AGK: variants seen among roughly 807,000 people sequenced by gnomAD.
AGK encodes the protein acylglycerol kinase, mitochondrial.
In AGK, 52 loss-of-function variants were observed where a neutral mutation model predicts 66.4. That is an observed-to-expected ratio of 0.78 (90% CI 0.63 to 0.99). AGK has a LOEUF of 0.99. Among genes scored for constraint, AGK ranks in the 50% least tolerant of loss-of-function variants. The pLI is 0.00. For missense variants in AGK, 451 were observed against 506.6 expected, an observed-to-expected ratio of 0.89 and a Z score of 1.05; for synonymous variants, 182 against 181.1, an observed-to-expected ratio of 1.00 and a Z score of -0.04.
At chr7:141,644,029 G>A (rs1229749735) in intron 13 of AGK, among the ~76,000 whole-genome samples, 1 of 151,810 alleles carries the variant, frequency 6.6e-6, no homozygotes, top group African/African-American at 2.4e-5. Context: ...AATATATAAT[G>A]TAGGCAGTCC....
chr7:141,565,343 C>T (rs1795445164), intron 2 of AGK, among the ~76,000 whole-genome samples: 1 of 152,134 alleles, frequency 6.6e-6, no homozygotes, highest in African/African-American at 2.4e-5. Context: ...TGGTACCACT[C>T]ACCATCCATC....
intron 5 of AGK, among the ~76,000 whole-genome samples, chr7:141,610,935 A>G (rs1375727363): frequency 1.3e-5 from 2 of 152,212 alleles, no homozygotes; most frequent in African/African-American, 2.4e-5. Context: ...TGTGTAAGAG[A>G]CAAATTATTG....
At chr7:141,559,514 G>C (rs1053282577) in intron 2 of AGK, among the ~76,000 whole-genome samples, 7 of 151,964 alleles carry the variant, frequency 4.6e-5, no homozygotes, top group Non-Finnish European at 1.0e-4. Context: ...GATTACTATT[G>C]CTTTGTAATA....
rs142530632 is a variant in AGK at position 141,579,741 on chromosome 7, G to A, written c.102-13405G>A. ...GAGAGGTTCTAAGAGACGGGCTAGC[G>A]GCTTATAACCTACATGGAAGAGGCT... is the stretch of plus-strand genomic sequence containing the variant. On this transcript the variant is annotated intron_variant, in intron 2 of 15. Transcript: ENST00000649286. 2.7e-3 allele frequency among the ~76,000 whole-genome samples: 410 copies of A among 152,006 alleles called. 1 individual carries two copies. Among genetic ancestry groups the A allele is most frequent in the Middle Eastern group, 6.8e-3 (2 of 294 alleles).
In AGK at chr7:141,641,383, G is replaced by A. The variant is rs542170824; in HGVS notation, c.862G>A (p.Ala288Thr). Residue 288 changes from alanine (A) to threonine (T), a missense_variant, in exon 12 of 16, where the codon GCA (alanine) becomes ACA (threonine). Transcript: ENST00000649286. ...ATTACGAAGGCTTGCGTCCTACTGG[G>A]CACAACCACAGGATGGTGAGCAATG... Reference protein sequence around the residue: ...RILRRLASYWAQPQDALSQEV... With the variant: ...RILRRLASYWTQPQDALSQEV... 2 of 1,612,504 alleles carry A rather than the reference G, an allele frequency of 1.2e-6. No individual in the cohort carries two copies. Among genetic ancestry groups the A allele is most frequent in the African/African-American group, 2.7e-5 (2 of 74,900 alleles).
At chr7:141,611,379 T>A in intron 6 of AGK, 92 bp downstream of exon 6, 1 of 874,906 alleles carries the variant, frequency 1.1e-6, no homozygotes, top group Non-Finnish European at 1.7e-6. Context: ...TTAAAGAAAT[T>A]TTTTATTTTA....
chr7:141,653,006 C>A lies in AGK; in HGVS notation c.*82C>A. 6.4e-7 allele frequency: 1 copy of A among 1,552,696 alleles called. No homozygotes were observed. The highest frequency in any genetic ancestry group is 1.2e-5 in the South Asian group (1 of 85,916). ...GGAACAGGTGCCTCAGCCATCCCAA[C>A]AGTGTCGTCAGAGGGTCCCCAGGGC... is the stretch of plus-strand genomic sequence containing the variant. On this transcript the variant is annotated 3_prime_UTR_variant, in exon 16 of 16. Coordinates refer to ENST00000649286, the MANE Select transcript of AGK (RefSeq NM_018238.4).
At chr7:141,642,733 A>C (rs1464567818) in intron 13 of AGK, among the ~76,000 whole-genome samples, 1 of 152,234 alleles carries the variant, frequency 6.6e-6, no homozygotes, top group Non-Finnish European at 1.5e-5. Flanking sequence ...AAAATACGTA[A>C]AGTTCAAGTT....
rs767106866 is a variant in AGK at position 141,601,253 on chromosome 7, A to G, written c.270A>G (p.Leu90=). The G allele has an allele frequency of 1.2e-6, 2 of 1,613,086 alleles. No homozygotes were observed. The highest frequency in any genetic ancestry group is 1.3e-5 in the African/African-American group (1 of 74,994). ...AAAATGCTGCCCCGATTTTACATTT[A>G]TCTGGCATGGATGTGACTATTGTTA... ...FEKNAAPILH[L]SGMDVTIVKT... is the part of the protein sequence containing the mutation. The change falls in exon 5 of 16, where the codon TTA becomes TTG. Residue 90 remains leucine (L), a synonymous_variant. Transcript: ENST00000649286.
Position 141,652,898 on chromosome 7 carries a change from C to A in AGK, c.1243C>A (p.Gln415Lys), listed in dbSNP as rs770737024. The change falls in exon 16 of 16, where the codon CAG (glutamine) becomes AAG (lysine). Residue 415 changes from glutamine (Q) to lysine (K), a missense_variant. By Grantham distance (53) the Gln-to-Lys change is moderately conservative. Coordinates refer to ENST00000649286, the MANE Select transcript of AGK (RefSeq NM_018238.4). The stretch of plus-strand genomic sequence containing the variant: ...CTTCTGTGATCCTAGGAAGAGAGAA[C>A]AGATGCTCACAAGCCCCACCCAGTG... ...QFFCDPRKRE[Q>K]MLTSPTQ The A allele has an allele frequency of 6.8e-6, 11 of 1,614,006 alleles. No individual in the cohort carries two copies. The South Asian group carries it at 1.2e-4, about 18-fold the overall frequency.
intron 10 of AGK, among the ~76,000 whole-genome samples, chr7:141,636,052 T>A (rs1797162177): frequency 6.6e-6 from 1 of 152,226 alleles, no homozygotes; most frequent in African/African-American, 2.4e-5. Context: ...TTTATGCCGT[T>A]TTCTAATTCC....
At chr7:141,621,427 A>G (rs1418256714) in intron 8 of AGK, among the ~76,000 whole-genome samples, 2 of 152,212 alleles carry the variant, frequency 1.3e-5, no homozygotes, top group African/African-American at 2.4e-5. Flanking sequence ...ATTAAGTGTC[A>G]TATTTTCCAA....
rs1299687206 is a variant in AGK at position 141,598,654 on chromosome 7, C to T, written c.221+2013C>T. On this transcript the variant is annotated intron_variant, in intron 4 of 15. Transcript: ENST00000649286. The surrounding 1 kb of genome is among the most constrained non-coding windows in gnomAD (Gnocchi z 4.2). Reference sequence around the variant, plus strand: ...AAGCACACAATGTAAGAAATATAAACTGCTGAAATTGTTACTCTTGACTAT... The same window carrying T: ...AAGCACACAATGTAAGAAATATAAATTGCTGAAATTGTTACTCTTGACTAT... Among the ~76,000 whole-genome samples the T allele has an allele frequency of 6.6e-6, 1 of 152,158 alleles. No individual in the cohort carries two copies. The highest frequency in any genetic ancestry group is 1.5e-5 in the Non-Finnish European group (1 of 68,024).
At position 141,566,922 on chromosome 7, in the gene AGK, G is replaced by A. The variant is rs1163988928; in HGVS notation, c.101+11355G>A. ...TTCCATTGACACCGTCCTCAGAAGTGTACCTCACACTTGCAGTCCTACCTC... is the reference window on the plus strand; with the variant it reads ...TTCCATTGACACCGTCCTCAGAAGTATACCTCACACTTGCAGTCCTACCTC... On this transcript the variant is annotated intron_variant, in intron 2 of 15. Transcript: ENST00000649286. Among the ~76,000 whole-genome samples, 4 of 152,134 alleles carry A rather than the reference G, an allele frequency of 2.6e-5. 1 individual carries two copies. Among genetic ancestry groups the A allele is most frequent in the South Asian group, 4.1e-4 (2 of 4,824 alleles).
At chr7:141,606,525 A>G (rs1449609884) in intron 5 of AGK, among the ~76,000 whole-genome samples, 1 of 152,212 alleles carries the variant, frequency 6.6e-6, no homozygotes, top group Non-Finnish European at 1.5e-5. Context: ...TTAAGGAAGA[A>G]TTCAAGAGAA....
intron 9 of AGK, among the ~76,000 whole-genome samples, chr7:141,625,593 C>G (rs1228151283): frequency 2.6e-5 from 4 of 152,104 alleles, no homozygotes; most frequent in African/African-American, 9.6e-5. Flanking sequence ...ACCTTTGGTC[C>G]ACAAGTAATT....
Position 141,598,249 on chromosome 7 carries a change from C to T in AGK, c.221+1608C>T, listed in dbSNP as rs1353218988. Among the ~76,000 whole-genome samples the T allele has an allele frequency of 1.3e-5, 2 of 152,186 alleles. No homozygotes were observed. The highest frequency in any genetic ancestry group is 4.8e-5 in the African/African-American group (2 of 41,442). ...TGGGCTTTGTTAGAGCCGCTTCCCT[C>T]CCCCATAAACGCACCAGTCATAATG... On this transcript the variant is annotated intron_variant, in intron 4 of 15. Transcript: ENST00000649286. This position sits in a 1 kb window ranked among gnomAD's most constrained non-coding sequence, Gnocchi z 4.2.
chr7:141,553,625 A>T (rs1325753163), intron 1 of AGK, among the ~76,000 whole-genome samples: 1 of 152,194 alleles, frequency 6.6e-6, no homozygotes, highest in African/African-American at 2.4e-5. Context: ...AGAGCCTACC[A>T]TATAGGTGTT....
At position 141,605,871 on chromosome 7, in the gene AGK, A is replaced by G. The variant is rs181556384; in HGVS notation, c.297+4591A>G. ...CATTTGACATGAAAGCTCCAAGACA[A>G]CCTATTTCATCTTAGGATAGCACTA... On this transcript the variant is annotated intron_variant, in intron 5 of 15. Coordinates refer to ENST00000649286, the MANE Select transcript of AGK (RefSeq NM_018238.4). Among the ~76,000 whole-genome samples, 1,045 of 152,304 alleles carry G rather than the reference A, an allele frequency of 6.9e-3. 6 individuals carry two copies. Among genetic ancestry groups the G allele is most frequent in the Non-Finnish European group, 0.011 (721 of 68,022 alleles).
Sources: allele counts gnomAD v4.1 joint callset (sites outside exome capture counted in the v4.1 genomes callset), GRCh38; gene constraint gnomAD v4.1.1; non-coding constraint Gnocchi (gnomAD v3.1); transcripts MANE v1.5; gene names NCBI Gene and HGNC (gene_info 2026-07-23, HGNC 2026-07-21).